The following RAI1 variants were observed in gnomAD, a reference collection of about 807,000 sequenced individuals.
RAI1 encodes the protein retinoic acid induced 1, also known as retinoic acid-induced protein 1.
Under a neutral mutation model 123.8 loss-of-function variants are expected in RAI1, and 9 were observed. The ratio of observed to expected loss-of-function variants is 0.07; its 90% CI spans 0.04 to 0.13. The LOEUF is 0.13. RAI1 is among the 10% of genes least tolerant of loss of function. The pLI is 1.00. For synonymous variants in RAI1, 1,231 were observed against 1,127.3 expected, an observed-to-expected ratio of 1.09 and a Z score of -1.84; for missense variants, 2,256 against 2,545.8, an observed-to-expected ratio of 0.89 and a Z score of 2.45.
At chr17:17,754,281 C>T (rs1164886942) in intron 2 of RAI1, among the ~76,000 whole-genome samples, 8 of 149,704 alleles carry the variant, frequency 5.3e-5, no homozygotes, top group African/African-American at 1.2e-4. Flanking sequence ...CTCGGCTCAC[C>T]GCAACCTCCG....
chr17:17,732,460 G>A (rs1404852706), intron 2 of RAI1, among the ~76,000 whole-genome samples: 1 of 152,202 alleles, frequency 6.6e-6, no homozygotes, highest in Admixed American at 6.5e-5. Context: ...CATTCACTTA[G>A]TCACCTGTTG....
intron 2 of RAI1, among the ~76,000 whole-genome samples, chr17:17,782,927 C>T (rs1006347991): frequency 1.3e-5 from 2 of 152,242 alleles, no homozygotes; most frequent in Non-Finnish European, 2.9e-5. Context: ...CCCTGCGCGC[C>T]CCTTGCCGCC....
chr17:17,793,933 C>T lies in RAI1; in HGVS notation c.985C>T (p.Arg329Trp), dbSNP rs975392971. 2 of 1,613,796 alleles carry T rather than the reference C, an allele frequency of 1.2e-6. No individual in the cohort carries two copies. The highest frequency in any genetic ancestry group is 1.3e-5 in the African/African-American group (1 of 74,928). Reference protein sequence around the residue: ...QGYCQPDAAVRTPEQYYQTFS... With the variant: ...QGYCQPDAAVWTPEQYYQTFS... ...CTACTGCCAGCCGGACGCAGCCGTC[C>T]GGACCCCAGAGCAGTACTACCAGAC... The change falls in exon 3 of 6, where the codon CGG becomes TGG. Residue 329 changes from arginine to tryptophan, a missense_variant. This residue lies in a region of RAI1 where 357 missense variants were observed against 480.2 expected (regional missense o/e 0.74). Transcript: ENST00000353383.
chr17:17,757,807 A>T (rs2030506129), intron 2 of RAI1, among the ~76,000 whole-genome samples: 1 of 151,920 alleles, frequency 6.6e-6, no homozygotes. Flanking sequence ...CATCAAAACA[A>T]CCCCAGGCGC....
chr17:17,724,968 G>C (rs1228672768), intron 2 of RAI1, among the ~76,000 whole-genome samples: 1 of 148,366 alleles, frequency 6.7e-6, no homozygotes, highest in Non-Finnish European at 1.5e-5. Context: ...CGAGTGGCCA[G>C]GCTGACAATG....
chr17:17,725,787 C>A lies in RAI1; in HGVS notation c.-17+1628C>A, dbSNP rs115957010. 4.6e-3 allele frequency among the ~76,000 whole-genome samples: 693 copies of A among 152,170 alleles called. 6 individuals are homozygous for A. Among genetic ancestry groups the A allele is most frequent in the African/African-American group, 0.016 (666 of 41,498 alleles). On this transcript the variant is annotated intron_variant, in intron 2 of 5. Coordinates refer to ENST00000353383, the MANE Select transcript of RAI1 (RefSeq NM_030665.4). ...GGTCCAGAGACACCAAGCTGGCAAC[C>A]CAGGCAGGTGAAGGCAATTCCTCTC... is the stretch of plus-strand genomic sequence containing the variant.
chr17:17,702,613 A>T (rs908990846), intron 1 of RAI1, among the ~76,000 whole-genome samples: 3 of 152,220 alleles, frequency 2.0e-5, no homozygotes, highest in Non-Finnish European at 4.4e-5. Flanking sequence ...TCACTGATTA[A>T]TGAGGTGGTA....
At chr17:17,785,747 C>T (rs1340614407) in intron 2 of RAI1, among the ~76,000 whole-genome samples, 5 of 152,152 alleles carry the variant, frequency 3.3e-5, no homozygotes, top group Non-Finnish European at 5.9e-5. Flanking sequence ...AGGGCACTCG[C>T]CTTTCTGCTC....
intron 2 of RAI1, among the ~76,000 whole-genome samples, chr17:17,757,048 C>G (rs1021023350): frequency 6.6e-6 from 1 of 152,176 alleles, no homozygotes; most frequent in Non-Finnish European, 1.5e-5. Flanking sequence ...TCAGGCTGGC[C>G]ACCTCCATTT....
rs1263136528 is a variant in RAI1, at chr17:17,798,162, A to T, written c.5214A>T (p.Arg1738Ser). 3 of 1,613,324 alleles carry T rather than the reference A, an allele frequency of 1.9e-6. No individual in the cohort carries two copies. Among genetic ancestry groups the T allele is most frequent in the Non-Finnish European group, 2.5e-6 (3 of 1,180,030 alleles). Reference sequence around the variant, plus strand: ...AGGAGGCCTCGCTGCCGCTTGAGAGAACACTCAAAGGTCCCGAGTGTGCAG... The same window carrying T: ...AGGAGGCCTCGCTGCCGCTTGAGAGTACACTCAAAGGTCCCGAGTGTGCAG... Reference protein sequence around the residue: ...TCEEASLPLERTLKGPECAAA... With the variant: ...TCEEASLPLESTLKGPECAAA... Residue 1738 changes from arginine (R) to serine (S), a missense_variant, in exon 3 of 6, where the codon AGA becomes AGT. Physicochemically the swap from Arg to Ser is moderately radical, Grantham distance 110 (BLOSUM62 -1). Transcript: ENST00000353383.
At chr17:17,805,242 T>G (rs1043839504) in intron 4 of RAI1, among the ~76,000 whole-genome samples, 4 of 152,112 alleles carry the variant, frequency 2.6e-5, no homozygotes, top group African/African-American at 9.7e-5. Flanking sequence ...ATGATGGAGA[T>G]GATAATAGCC....
intron 2 of RAI1, among the ~76,000 whole-genome samples, chr17:17,791,627 CCTTT>C (rs1449640272): frequency 6.6e-6 from 1 of 152,250 alleles, no homozygotes; most frequent in Non-Finnish European, 1.5e-5. Flanking sequence ...GAGCTGAGCC[CCTTT>C]CTTCCTGCCT....
intron 2 of RAI1, among the ~76,000 whole-genome samples, chr17:17,772,389 A>G (rs1284859797): frequency 1.3e-5 from 2 of 150,532 alleles, no homozygotes; most frequent in Non-Finnish European, 3.0e-5. Flanking sequence ...CTCCCCTCTC[A>G]CCCCCATCAC....
At chr17:17,803,646 A>G in intron 3 of RAI1, 110 bp from the exon 4 acceptor site, 1 of 1,026,536 alleles carries the variant, frequency 9.7e-7, no homozygotes, top group South Asian at 1.3e-5. Flanking sequence ...TTGGCCTCCC[A>G]GAGTGCTGGG....
At position 17,795,205 on chromosome 17, in the gene RAI1, G is replaced by C; in HGVS notation, c.2257G>C (p.Asp753His). 6.2e-7 allele frequency: 1 copy of C among 1,614,026 alleles called. No homozygotes were observed. The highest frequency in any genetic ancestry group is 2.2e-5 in the East Asian group (1 of 44,874). The change falls in exon 3 of 6, where the codon GAT (aspartate) becomes CAT (histidine). Residue 753 changes from aspartate (D) to histidine (H), a missense_variant. Asp to His is a moderately conservative substitution (Grantham distance 81). Around this residue, in one of 7 missense-constraint regions of RAI1, gnomAD observed 566 missense variants for 616.0 expected, o/e 0.92. Transcript: ENST00000353383. This position sits in a 1 kb window ranked among gnomAD's most constrained non-coding sequence, Gnocchi z 5.9. ...TGCCTGGCCAGAGGAAAACCTGGGG[G>C]ATGCTTGTCCCAGGTGGGGATTGCA... Reference protein sequence around the residue: ...PFAWPEENLGDACPRWGLHPG... With the variant: ...PFAWPEENLGHACPRWGLHPG...
chr17:17,758,881 C>T (rs1567878834), intron 2 of RAI1, among the ~76,000 whole-genome samples: 1 of 152,122 alleles, frequency 6.6e-6, no homozygotes, highest in Non-Finnish European at 1.5e-5. Context: ...AGCTGCCCAG[C>T]TGACAGGTGG....
At chr17:17,749,373 C>T (rs1180738481) in intron 2 of RAI1, among the ~76,000 whole-genome samples, 1 of 152,274 alleles carries the variant, frequency 6.6e-6, no homozygotes, top group Non-Finnish European at 1.5e-5. Flanking sequence ...TAGCCGGCAT[C>T]CTCCACGCAC....
chr17:17,746,368 T>A (rs1157875014), intron 2 of RAI1, among the ~76,000 whole-genome samples: 3 of 152,178 alleles, frequency 2.0e-5, no homozygotes, highest in Admixed American at 1.3e-4. Context: ...CAGTCCTCTT[T>A]CAGAGCGAGG....
intron 1 of RAI1, among the ~76,000 whole-genome samples, chr17:17,686,971 A>T (rs962218436): frequency 5.9e-5 from 9 of 152,116 alleles, no homozygotes; most frequent in African/African-American, 2.2e-4. Flanking sequence ...GGCCAGGTGA[A>T]CAATGAGCAT....
Sources: allele counts gnomAD v4.1 joint callset (sites outside exome capture counted in the v4.1 genomes callset), GRCh38; gene constraint gnomAD v4.1.1; regional missense constraint gnomAD v4.1.1; non-coding constraint Gnocchi (gnomAD v3.1); transcripts MANE v1.5; gene names NCBI Gene and HGNC (gene_info 2026-07-23, HGNC 2026-07-21).